The following FARS2 variants were observed in gnomAD, a reference collection of about 807,000 sequenced individuals.
FARS2 encodes the protein phenylalanine--tRNA ligase, mitochondrial.
Under a neutral mutation model 46.4 loss-of-function variants are expected in FARS2, and 40 were observed. The ratio of observed to expected loss-of-function variants is 0.86; its 90% CI spans 0.67 to 1.12. The LOEUF (loss-of-function observed/expected upper bound fraction) is 1.12, where lower values mean the gene tolerates loss of function less well. Ranked by LOEUF, FARS2 falls within the 50% of genes most tolerant of loss-of-function variation. The probability of loss-of-function intolerance (pLI) is 0.00; values close to 1 mark genes in which losing one functional copy is unlikely to be tolerated. For missense variants in FARS2, 513 were observed against 567.9 expected, an observed-to-expected ratio of 0.90 and a Z score of 0.98; for synonymous variants, 234 against 214.9, an observed-to-expected ratio of 1.09 and a Z score of -0.78.
At chr6:5,456,542 G>A (rs1764878160) in intron 4 of FARS2, among the ~76,000 whole-genome samples, 1 of 151,822 alleles carries the variant, frequency 6.6e-6, no homozygotes, top group Non-Finnish European at 1.5e-5. Flanking sequence ...GGCCAGCCTG[G>A]CCAACATGGT....
chr6:5,273,512 GT>G (rs1766109941), intron 1 of FARS2, among the ~76,000 whole-genome samples: 2 of 108,646 alleles, frequency 1.8e-5, no homozygotes, highest in Admixed American at 1.9e-4. Flanking sequence ...TAATCAGATT[GT>G]GTTTTTTTTT....
intron 6 of FARS2, among the ~76,000 whole-genome samples, chr6:5,769,629 C>A (rs1762930161): frequency 6.6e-6 from 1 of 152,192 alleles, no homozygotes; most frequent in African/African-American, 2.4e-5. Flanking sequence ...AAAGAAAGAG[C>A]CAGGTGGGGA....
intron 6 of FARS2, among the ~76,000 whole-genome samples, chr6:5,710,466 G>A (rs1228914618): frequency 1.3e-5 from 2 of 152,126 alleles, no homozygotes; most frequent in African/African-American, 4.8e-5. Flanking sequence ...AGTGCAACAA[G>A]GGTTTTCAGA....
At chr6:5,746,665 G>A (rs972853896) in intron 6 of FARS2, among the ~76,000 whole-genome samples, 4 of 151,110 alleles carry the variant, frequency 2.6e-5, no homozygotes, top group African/African-American at 7.3e-5. Context: ...AGAGGTGGGG[G>A]TGGGGGCTGA....
chr6:5,358,522 GT>G (rs1451826870), intron 1 of FARS2, among the ~76,000 whole-genome samples: 1 of 152,128 alleles, frequency 6.6e-6, no homozygotes, highest in Non-Finnish European at 1.5e-5. Context: ...GCCAGAGTAT[GT>G]ATTGTGCTTT....
intron 2 of FARS2, among the ~76,000 whole-genome samples, chr6:5,378,258 AAACCACTGTCCTC>A (rs920971434): frequency 4.6e-5 from 7 of 151,968 alleles, no homozygotes; most frequent in East Asian, 3.9e-4. Context: ...CACTGTCCTC[AAACCACTGTCCTC>A]AACCACTGTG....
chr6:5,286,855 T>G (rs1371869559), intron 1 of FARS2, among the ~76,000 whole-genome samples: 1 of 152,218 alleles, frequency 6.6e-6, no homozygotes, highest in Non-Finnish European at 1.5e-5. Flanking sequence ...AATTTCCATG[T>G]TAATTTTGGT....
chr6:5,296,962 A>G (rs1292514692), intron 1 of FARS2, among the ~76,000 whole-genome samples: 1 of 152,232 alleles, frequency 6.6e-6, no homozygotes, highest in Non-Finnish European at 1.5e-5. Flanking sequence ...GCTTGATCAT[A>G]TGATAATTCT....
intron 4 of FARS2, among the ~76,000 whole-genome samples, chr6:5,476,940 G>A (rs145597676): frequency 2.0e-5 from 3 of 152,326 alleles, no homozygotes; most frequent in Non-Finnish European, 4.4e-5. Context: ...GTGCCAGTTA[G>A]GCATCAGTGT....
intron 5 of FARS2, among the ~76,000 whole-genome samples, chr6:5,580,437 T>C (rs961227238): frequency 6.6e-6 from 1 of 152,154 alleles, no homozygotes; most frequent in Non-Finnish European, 1.5e-5. Flanking sequence ...GAGGCATATT[T>C]ATTATACTGT....
chr6:5,635,788 G>A (rs1359989207), intron 6 of FARS2, among the ~76,000 whole-genome samples: 1 of 152,168 alleles, frequency 6.6e-6, no homozygotes, highest in Non-Finnish European at 1.5e-5. Flanking sequence ...CATGGCAAAG[G>A]GAGCCTGCAG....
rs555313743 is a variant in FARS2, at chr6:5,333,609, A to T, written c.-21-34941A>T. ...CCTCCTACCTTGCCGGACACTGAGG[A>T]TTTATTCACCTTGAGCAGAGGCAGG... On this transcript the variant is annotated intron_variant, in intron 1 of 6. Coordinates refer to ENST00000274680, the MANE Select transcript of FARS2 (RefSeq NM_006567.5). 2.6e-5 allele frequency among the ~76,000 whole-genome samples: 4 copies of T among 152,244 alleles called. No homozygotes were observed. The East Asian group carries it at 7.7e-4, about 29-fold the overall frequency.
intron 6 of FARS2, among the ~76,000 whole-genome samples, chr6:5,700,010 C>T (rs1758321441): frequency 6.6e-6 from 1 of 152,194 alleles, no homozygotes; most frequent in Admixed American, 6.5e-5. Context: ...TATCGACTGA[C>T]CTCCAGTCCC....
intron 6 of FARS2, among the ~76,000 whole-genome samples, chr6:5,656,228 T>C (rs1054988275): frequency 6.6e-6 from 1 of 152,230 alleles, no homozygotes; most frequent in East Asian, 1.9e-4. Flanking sequence ...AACTCCAGAA[T>C]TCCTATCTGT....
At chr6:5,533,718 A>G (rs900118468) in intron 4 of FARS2, among the ~76,000 whole-genome samples, 5 of 152,120 alleles carry the variant, frequency 3.3e-5, no homozygotes, top group East Asian at 1.9e-4. Context: ...GAGGTTTACA[A>G]TTTTCAAGTG....
At chr6:5,402,298 C>T (rs564292139) in intron 2 of FARS2, among the ~76,000 whole-genome samples, 2 of 145,132 alleles carry the variant, frequency 1.4e-5, no homozygotes, top group East Asian at 4.1e-4. Context: ...GAGTTTCTGA[C>T]TAAAGCAATT....
At chr6:5,603,158 C>T (rs926060764) in intron 5 of FARS2, among the ~76,000 whole-genome samples, 4 of 152,124 alleles carry the variant, frequency 2.6e-5, no homozygotes, top group Non-Finnish European at 5.9e-5. Context: ...TGCAGTGGTG[C>T]GATCTCAGCT....
At chr6:5,685,924 A>G (rs1436228222) in intron 6 of FARS2, among the ~76,000 whole-genome samples, 1 of 152,190 alleles carries the variant, frequency 6.6e-6, no homozygotes, top group Non-Finnish European at 1.5e-5. Flanking sequence ...ATTTAGATTG[A>G]ATAACTTTAG....
chr6:5,483,763 C>T (rs1766613820), intron 4 of FARS2, among the ~76,000 whole-genome samples: 1 of 151,902 alleles, frequency 6.6e-6, no homozygotes, highest in Non-Finnish European at 1.5e-5. Flanking sequence ...ACAAAGGTAG[C>T]CCAAGAGATG....
Sources: gnomAD v4.1 joint callset for allele counts (sites outside exome capture counted in the v4.1 genomes callset) on GRCh38, gnomAD v4.1.1 for gene constraint, MANE v1.5 for transcripts, NCBI Gene and HGNC (gene_info 2026-07-23, HGNC 2026-07-21) for gene names.